The following AVEN variants were observed in gnomAD, a reference collection of about 807,000 sequenced individuals.
The protein encoded by AVEN is cell death regulator Aven.
AVEN carries 41 observed loss-of-function variants against 38.1 expected under a neutral mutation model. The observed-to-expected ratio is 1.08, with a 90% CI of 0.84 to 1.40. The LOEUF (loss-of-function observed/expected upper bound fraction) is 1.40. Among genes scored for constraint, AVEN ranks in the 40% most tolerant of loss-of-function variants. AVEN has a pLI of 0.00. For missense variants in AVEN, 605 were observed against 438.8 expected (o/e 1.38, Z -3.38); for synonymous variants, 206 against 171.8 (o/e 1.20, Z -1.56).
At chr15:33,890,943 AC>A (rs1311624705) in intron 2 of AVEN, among the ~76,000 whole-genome samples, 3 of 152,118 alleles carry the variant, frequency 2.0e-5, no homozygotes, top group Admixed American at 1.3e-4. Flanking sequence ...ACTCATCACT[AC>A]CAAAAATTTA....
In AVEN at chr15:34,063,233, G is replaced by C. The variant is rs2140847485; in HGVS notation, n.1326C>G. The C allele has an allele frequency of 6.2e-7, 1 of 1,614,186 alleles. No individual in the cohort carries two copies. Among genetic ancestry groups the C allele is most frequent in the Non-Finnish European group, 8.5e-7 (1 of 1,180,036 alleles). ...CAGCAATCCTCTGCTGGCAGTACTT[G>C]GTTGGGAAGCGGACAGTTCCACTGG... On this transcript the variant is annotated non_coding_transcript_exon_variant, in exon 5 of 12. Coordinates refer to the AVEN transcript ENST00000675287. The surrounding 1 kb of genome is among the most constrained non-coding windows in gnomAD (Gnocchi z 4.1).
At chr15:34,032,987 T>C (rs1306604243) in intron 1 of AVEN, among the ~76,000 whole-genome samples, 1 of 152,234 alleles carries the variant, frequency 6.6e-6, no homozygotes, top group Non-Finnish European at 1.5e-5. Flanking sequence ...CAAGTAGAGA[T>C]ATTTAATGAA....
rs186546645 is a variant in AVEN, at chr15:33,996,541, G to A, written c.445+6491C>T. ...CAATATTTGCTGTTCTGCAGCCTCC[G>A]CTGGTGATACCCAGGCAAACAGGGC... On this transcript the variant is annotated intron_variant, in intron 2 of 5. Coordinates refer to ENST00000306730, the MANE Select transcript of AVEN (RefSeq NM_020371.3). Among the ~76,000 whole-genome samples the A allele has an allele frequency of 2.3e-4, 35 of 152,308 alleles. No individual in the cohort carries two copies. In the East Asian group the frequency reaches 6.0e-3, roughly 26 times the overall value.
At chr15:34,017,344 T>G (rs1409567915) in intron 1 of AVEN, among the ~76,000 whole-genome samples, 1 of 151,970 alleles carries the variant, frequency 6.6e-6, no homozygotes, top group Non-Finnish European at 1.5e-5. Flanking sequence ...TTAAGCAGAT[T>G]CCCCAAAGAA....
At chr15:33,853,479 C>G in the AVEN span, 8 of 1,540,140 alleles carry the variant, frequency 5.2e-6, no homozygotes, top group Non-Finnish European at 7.0e-6. Context: ...GGCAGCAAAG[C>G]TCTGAAGACC....
At position 33,867,551 on chromosome 15, in the gene AVEN, T is replaced by C. The variant is rs1037035517; in HGVS notation, c.917A>G (p.Gln306Arg). 7 of 1,612,308 alleles carry C rather than the reference T, an allele frequency of 4.3e-6. No individual in the cohort carries two copies. Among genetic ancestry groups the C allele is most frequent in the Non-Finnish European group, 5.9e-6 (7 of 1,179,424 alleles). Residue 306 changes from glutamine (Q) to arginine (R), a missense_variant, in exon 5 of 6, where the codon CAG becomes CGG. Physicochemically the swap from Gln to Arg is conservative, Grantham distance 43. Transcript: ENST00000306730. ...CTTGGATTTCAGGTCCTGAGACGTC[T>C]GATCTGGTAAGATGTTATCTCCCTC... Reference protein sequence around the residue: ...IKEGDNILPDQTSQDLKSKED... With the variant: ...IKEGDNILPDRTSQDLKSKED...
chr15:34,062,574 A>AC (rs1900375509), intron 5 of AVEN: 13 of 715,780 alleles, frequency 1.8e-5, no homozygotes, highest in African/African-American at 1.8e-4. Context: ...AAAAAAAAAA[A>AC]CTATAAACAA....
intron 2 of AVEN, among the ~76,000 whole-genome samples, chr15:33,964,911 T>C (rs1252491452): frequency 6.6e-6 from 1 of 152,168 alleles, no homozygotes; most frequent in African/African-American, 2.4e-5. Context: ...CACGCTTAAG[T>C]TGAATGATGG....
At chr15:33,922,168 G>C (rs908238697) in intron 2 of AVEN, among the ~76,000 whole-genome samples, 2 of 152,148 alleles carry the variant, frequency 1.3e-5, no homozygotes, top group African/African-American at 4.8e-5. Flanking sequence ...ATAGCCCCTT[G>C]GAAAATATGT....
intron 5 of AVEN, among the ~76,000 whole-genome samples, chr15:34,061,238 A>G (rs1242875820): frequency 2.6e-5 from 4 of 152,150 alleles, no homozygotes; most frequent in African/African-American, 4.8e-5. Context: ...TACACACTGA[A>G]ATCTTTATCA....
chr15:34,063,225 C>T lies in AVEN; in HGVS notation n.1334G>A. 1 of 1,614,180 alleles carries T rather than the reference C, an allele frequency of 6.2e-7. No homozygotes were observed. The highest frequency in any genetic ancestry group is 8.5e-7 in the Non-Finnish European group (1 of 1,180,040). ...CTGGGCCCCAGCAATCCTCTGCTGG[C>T]AGTACTTGGTTGGGAAGCGGACAGT... On this transcript the variant is annotated non_coding_transcript_exon_variant, in exon 5 of 12. Transcript: ENST00000675287. The surrounding 1 kb of genome is among the most constrained non-coding windows in gnomAD (Gnocchi z 4.1).
intron 3 of AVEN, among the ~76,000 whole-genome samples, chr15:33,872,808 G>T (rs1026855033): frequency 6.6e-6 from 1 of 152,008 alleles, no homozygotes; most frequent in Non-Finnish European, 1.5e-5. Flanking sequence ...TCTTTACATG[G>T]TACCCACCCT....
At chr15:34,062,554 C>CAAA (rs10632153) in intron 5 of AVEN, 48,525 of 396,998 alleles carry the variant, frequency 0.12, 356 homozygotes, top group Non-Finnish European at 0.14. Context: ...GATTCTGTCT[C>CAAA]AAAAAAAAAA....
chr15:34,073,774 G>A (rs1291737568), intron 1 of AVEN, among the ~76,000 whole-genome samples: 1 of 151,610 alleles, frequency 6.6e-6, no homozygotes, highest in Non-Finnish European at 1.5e-5. Context: ...ACCCGCCTCG[G>A]CCTCCCAAAG....
At chr15:33,857,914 G>T, downstream of AVEN, 1 of 1,613,760 alleles carries the variant, frequency 6.2e-7, no homozygotes, top group Non-Finnish European at 8.5e-7. Flanking sequence ...ACATGATGAC[G>T]GTGAGAGCCC....
chr15:34,019,684 A>T (rs2632110), intron 1 of AVEN, among the ~76,000 whole-genome samples: 138,724 of 152,246 alleles, frequency 0.91, 64,376 homozygotes, highest in Non-Finnish European at 1. Context: ...TACCATTGTG[A>T]TATAACTGTC....
At chr15:34,021,542 AT>A (rs1048520745) in intron 1 of AVEN, among the ~76,000 whole-genome samples, 1 of 151,922 alleles carries the variant, frequency 6.6e-6, no homozygotes, top group African/African-American at 2.4e-5. Context: ...CGCCTGGCTT[AT>A]TTTCTGTATC....
At chr15:33,972,678 C>G (rs1895693219) in intron 2 of AVEN, among the ~76,000 whole-genome samples, 1 of 152,144 alleles carries the variant, frequency 6.6e-6, no homozygotes, top group Non-Finnish European at 1.5e-5. Flanking sequence ...AATGAAAGCT[C>G]CTTTTACAAA....
intron 3 of AVEN, among the ~76,000 whole-genome samples, chr15:33,874,027 TCATCC>T (rs1005309972): frequency 1.4e-4 from 21 of 152,108 alleles, no homozygotes; most frequent in Non-Finnish European, 2.5e-4. Flanking sequence ...ACCTCTCATC[TCATCC>T]GTTCAATCCC....
Sources: gnomAD v4.1 joint callset for allele counts (sites outside exome capture counted in the v4.1 genomes callset) on GRCh38, gnomAD v4.1.1 for gene constraint, Gnocchi (gnomAD v3.1) non-coding constraint, MANE v1.5 for transcripts, NCBI Gene and HGNC (gene_info 2026-07-23, HGNC 2026-07-21) for gene names.